The following NRXN1 variants were observed in gnomAD, a reference collection of about 807,000 sequenced individuals.
NRXN1 encodes the protein neurexin-1.
Under a neutral mutation model 150.9 loss-of-function variants are expected in NRXN1, and 39 were observed. The ratio of observed to expected loss-of-function variants is 0.26; its 90% confidence interval spans 0.20 to 0.34. The LOEUF (loss-of-function observed/expected upper bound fraction) is 0.34. Among genes scored for constraint, NRXN1 ranks in the 10% least tolerant of loss-of-function variants. NRXN1 has a pLI of 1.00. For synonymous variants in NRXN1, 924 were observed against 757.0 expected (o/e 1.22, Z -3.62); for missense variants, 1,815 against 1,949.9 (o/e 0.93, Z 1.30).
intron 17 of NRXN1, among the ~76,000 whole-genome samples, chr2:50,439,505 T>A (rs1215346618): frequency 6.6e-6 from 1 of 151,984 alleles, no homozygotes; most frequent in Non-Finnish European, 1.5e-5. Flanking sequence ...AAAAACAGAT[T>A]CCTAGAAAGT....
At chr2:51,016,380 G>C (rs776627768) in intron 2 of NRXN1, among the ~76,000 whole-genome samples, 3 of 152,116 alleles carry the variant, frequency 2.0e-5, no homozygotes, top group Non-Finnish European at 2.9e-5. Flanking sequence ...CTAATATCCA[G>C]AATCTATAAG....
At chr2:50,759,476 C>T (rs967797953) in intron 5 of NRXN1, among the ~76,000 whole-genome samples, 4 of 151,826 alleles carry the variant, frequency 2.6e-5, no homozygotes, top group South Asian at 2.1e-4. Context: ...TACGATCTGA[C>T]GCAAGTCAAT....
intron 2 of NRXN1, among the ~76,000 whole-genome samples, chr2:50,952,109 GGCGCCTGCCACTAC>G (rs1001766659): frequency 3.3e-5 from 5 of 150,446 alleles, no homozygotes; most frequent in Non-Finnish European, 7.4e-5. Flanking sequence ...TGGGACTATA[GGCGCCTGCCACTAC>G]GCCCAGCTAA....
At chr2:50,961,152 T>C (rs926050803) in intron 2 of NRXN1, among the ~76,000 whole-genome samples, 6 of 151,932 alleles carry the variant, frequency 3.9e-5, no homozygotes, top group African/African-American at 9.7e-5. Context: ...CCATCCACTA[T>C]GATATTTGTT....
At chr2:50,393,622 A>G (rs1486371853) in intron 17 of NRXN1, among the ~76,000 whole-genome samples, 2 of 152,140 alleles carry the variant, frequency 1.3e-5, no homozygotes, top group Admixed American at 6.6e-5. Context: ...CACTTTTATC[A>G]TAACAACTTC....
At chr2:50,801,672 T>G (rs1707618076) in intron 5 of NRXN1, among the ~76,000 whole-genome samples, 1 of 152,222 alleles carries the variant, frequency 6.6e-6, no homozygotes, top group South Asian at 2.1e-4. Context: ...TATAATAGGT[T>G]TCCTAAATGT....
At chr2:50,624,466 G>A (rs899076801) in intron 5 of NRXN1, among the ~76,000 whole-genome samples, 14 of 151,964 alleles carry the variant, frequency 9.2e-5, no homozygotes. Context: ...AATTTTCAGT[G>A]AAACATTTAT....
chr2:50,897,139 G>A (rs1425266599), intron 5 of NRXN1, among the ~76,000 whole-genome samples: 1 of 152,194 alleles, frequency 6.6e-6, no homozygotes, highest in Non-Finnish European at 1.5e-5. Flanking sequence ...TTGGTGTTAA[G>A]CAGCTCTACT....
At chr2:51,013,567 GT>G (rs1668224910) in intron 2 of NRXN1, among the ~76,000 whole-genome samples, 1 of 150,462 alleles carries the variant, frequency 6.6e-6, no homozygotes, top group South Asian at 2.2e-4. Flanking sequence ...TTTCAGAAAA[GT>G]CCAATTATTT....
At chr2:50,493,996 A>G (rs72878398) in intron 15 of NRXN1, among the ~76,000 whole-genome samples, 2,922 of 152,282 alleles carry the variant, frequency 0.019, 88 homozygotes, top group African/African-American at 0.065. Flanking sequence ...TGCTTTAATA[A>G]AAATAAACTC....
chr2:50,014,320 C>T (rs1274301170), intron 21 of NRXN1, among the ~76,000 whole-genome samples: 1 of 152,056 alleles, frequency 6.6e-6, no homozygotes, highest in Non-Finnish European at 1.5e-5. Flanking sequence ...CCACTAAGTG[C>T]TTACTATGTG....
intron 8 of NRXN1, among the ~76,000 whole-genome samples, chr2:50,603,243 A>G (rs1355465818): frequency 6.6e-6 from 1 of 152,160 alleles, no homozygotes; most frequent in African/African-American, 2.4e-5. Flanking sequence ...CTATGACTGG[A>G]CTATGGGACC....
In NRXN1 at chr2:50,945,899, T is replaced by TAC. The variant is rs1553403042; in HGVS notation, c.773-19946_773-19945dup. ...ACAGATATATATATATATATATATA[T>TAC]ACACACACACACACACACACACATC... On this transcript the variant is annotated intron_variant, in intron 2 of 22. Coordinates refer to ENST00000401669, the MANE Select transcript of NRXN1 (RefSeq NM_001330078.2). 3.6e-3 allele frequency among the ~76,000 whole-genome samples: 371 copies of TAC among 103,014 alleles called. 2 individuals carry two copies. Among genetic ancestry groups the TAC allele is most frequent in the African/African-American group, 6.9e-3 (181 of 26,076 alleles). The allele number at this position is 103,014 out of a possible 152,430, so 67.6% of individuals were successfully genotyped here.
chr2:50,585,552 C>A (rs888683294), intron 8 of NRXN1, among the ~76,000 whole-genome samples: 1 of 151,888 alleles, frequency 6.6e-6, no homozygotes, highest in Non-Finnish European at 1.5e-5. Flanking sequence ...ATAATACATG[C>A]CCAACAGGAT....
chr2:50,363,015 T>C (rs995064262), intron 17 of NRXN1, among the ~76,000 whole-genome samples: 1 of 152,164 alleles, frequency 6.6e-6, no homozygotes, highest in Non-Finnish European at 1.5e-5. Context: ...TAATAAATGG[T>C]GTTGGGGGAA....
At chr2:50,755,917 G>A (rs772442451) in intron 5 of NRXN1, among the ~76,000 whole-genome samples, 7 of 151,800 alleles carry the variant, frequency 4.6e-5, no homozygotes, top group Non-Finnish European at 5.9e-5. Flanking sequence ...TTTTTATGCA[G>A]TGAAATCGGG....
At chr2:50,852,181 T>C (rs749923317) in intron 5 of NRXN1, among the ~76,000 whole-genome samples, 1 of 152,150 alleles carries the variant, frequency 6.6e-6, no homozygotes, top group Admixed American at 6.5e-5. Flanking sequence ...CCCAAAGGAT[T>C]TGACCAGGCA....
chr2:50,195,480 T>G (rs1015846705), intron 18 of NRXN1, among the ~76,000 whole-genome samples: 5 of 152,204 alleles, frequency 3.3e-5, no homozygotes, highest in Non-Finnish European at 4.4e-5. Flanking sequence ...GCATATTTAT[T>G]ATAACACTTT....
At chr2:50,610,895 C>A (rs558726463) in intron 8 of NRXN1, among the ~76,000 whole-genome samples, 10 of 148,990 alleles carry the variant, frequency 6.7e-5, no homozygotes, top group Non-Finnish European at 1.5e-4. Context: ...TAGGTTTAAG[C>A]AAGCACGTTT....
Sources: allele counts gnomAD v4.1 joint callset (sites outside exome capture counted in the v4.1 genomes callset), GRCh38; gene constraint gnomAD v4.1.1; transcripts MANE v1.5; gene names NCBI Gene and HGNC (gene_info 2026-07-23, HGNC 2026-07-21).